The following ARHGAP27 variants were observed in gnomAD, a reference collection of about 807,000 sequenced individuals.
ARHGAP27 encodes rho GTPase-activating protein 27.
In ARHGAP27, 53 loss-of-function variants were observed where a neutral mutation model predicts 102.0. The ratio of observed to expected loss-of-function variants is 0.52; its 90% CI spans 0.42 to 0.65. ARHGAP27 has a LOEUF of 0.65. Among genes scored for constraint, ARHGAP27 ranks in the 30% least tolerant of loss-of-function variants. The pLI is 0.00. For synonymous variants in ARHGAP27, 525 were observed against 542.8 expected, an observed-to-expected ratio of 0.97 and a Z score of 0.46; for missense variants, 1,117 against 1,256.2, an observed-to-expected ratio of 0.89 and a Z score of 1.68.
intron 4 of ARHGAP27, among the ~76,000 whole-genome samples, chr17:45,416,432 C>T (rs11654226): frequency 0.79 from 119,255 of 151,774 alleles, 47,149 homozygotes; most frequent in African/African-American, 0.86. Flanking sequence ...AAAATAAACA[C>T]GGCAAATATT....
Position 45,399,591 on chromosome 17 carries a change from C to CAAAGAAAAGAAAAGA in ARHGAP27, c.1744-1559_1744-1545dup, listed in dbSNP as rs60195760. 4.6e-3 allele frequency among the ~76,000 whole-genome samples: 643 copies of CAAAGAAAAGAAAAGA among 141,240 alleles called. 14 individuals are homozygous for CAAAGAAAAGAAAAGA. Among genetic ancestry groups the CAAAGAAAAGAAAAGA allele is most frequent in the African/African-American group, 8.3e-3 (298 of 36,062 alleles). 92.7% of individuals were successfully genotyped at this position (141,240 alleles called of 152,430 possible). A position where few individuals can be genotyped will look rare whatever the true frequency, so the allele number is the denominator to read the frequency against. On this transcript the variant is annotated intron_variant, in intron 12 of 19. Transcript: ENST00000685559. ...AGGGCAACAGAGCAACACTCTGTCT[C>CAAAGAAAAGAAAAGA]AAAGAAAAGAAAAGAAAAGAAAAGA... is the stretch of plus-strand genomic sequence containing the variant.
intron 4 of ARHGAP27, among the ~76,000 whole-genome samples, chr17:45,422,533 G>A (rs943311519): frequency 4.6e-5 from 7 of 152,122 alleles, no homozygotes; most frequent in African/African-American, 1.7e-4. Flanking sequence ...GTAAAATAAG[G>A]AGTGGTCATA....
chr17:45,424,382 C>T (rs1441417463), intron 4 of ARHGAP27, among the ~76,000 whole-genome samples: 1 of 152,240 alleles, frequency 6.6e-6, no homozygotes, highest in African/African-American at 2.4e-5. Context: ...CCTCTCACTC[C>T]CCGGCACAGA....
At position 45,396,566 on chromosome 17, in the gene ARHGAP27, C is replaced by T. The variant is rs1331889610; in HGVS notation, c.2094G>A (p.Ala698=). 4 of 1,603,222 alleles carry T rather than the reference C, an allele frequency of 2.5e-6. No homozygotes were observed. Among genetic ancestry groups the T allele is most frequent in the East Asian group, 2.2e-5 (1 of 44,746 alleles). ...GYIKDQVFGC[A]LAALCERERS... Reference sequence around the variant, plus strand: ...TCTCGCGCTCACACAGCGCGGCCAGCGCGCAGCCGAACACCTGGTCTAGGG... The same window carrying T: ...TCTCGCGCTCACACAGCGCGGCCAGTGCGCAGCCGAACACCTGGTCTAGGG... Residue 698 remains alanine, a synonymous_variant, in exon 16 of 20, where the codon GCG becomes GCA. Transcript: ENST00000685559.
Position 45,430,098 on chromosome 17 carries a change from G to A in ARHGAP27, c.182C>T (p.Ala61Val). The change falls in exon 4 of 20, where the codon GCG becomes GTG. Residue 61 changes from alanine to valine, a missense_variant. Physicochemically the swap from Ala to Val is moderately conservative, Grantham distance 64 (BLOSUM62 0). Transcript: ENST00000685559. This position sits in a 1 kb window ranked among gnomAD's most constrained non-coding sequence, Gnocchi z 4.4. ...CGCGGGCAGCTCGCGCACGTACTGC[G>A]CAGGCAGGTAGAAGGGGCGGCCGCC... ...EPGGRPFYLPAQYVRELPALG... is the reference protein window; with the variant it reads ...EPGGRPFYLPVQYVRELPALG... The A allele has an allele frequency of 1.3e-6, 2 of 1,509,654 alleles. No individual in the cohort carries two copies. Among genetic ancestry groups the A allele is most frequent in the Non-Finnish European group, 1.8e-6 (2 of 1,136,462 alleles). The allele number at this position is 1,509,654 out of a possible 1,614,324, so 93.5% of individuals were successfully genotyped here.
At chr17:45,410,086 G>T in intron 4 of ARHGAP27, 2 of 1,058,500 alleles carry the variant, frequency 1.9e-6, no homozygotes, top group Non-Finnish European at 2.6e-6. Flanking sequence ...CTCTTGGATG[G>T]GCAGGGCCTC....
intron 9 of ARHGAP27, 58 bp from the exon 10 acceptor site, chr17:45,404,154 G>A: frequency 6.2e-7 from 1 of 1,609,264 alleles, no homozygotes; most frequent in Non-Finnish European, 8.5e-7. Flanking sequence ...TGAGCTATGG[G>A]GAGTAGAGGC....
intron 12 of ARHGAP27, among the ~76,000 whole-genome samples, chr17:45,400,594 A>C (rs1403748904): frequency 6.6e-6 from 1 of 152,216 alleles, no homozygotes; most frequent in East Asian, 1.9e-4. Flanking sequence ...TATCCCTCAA[A>C]GTCAGGGGAG....
At chr17:45,397,790 C>T (rs948774545) in intron 13 of ARHGAP27, 159 bp downstream of exon 13, 3 of 531,726 alleles carry the variant, frequency 5.6e-6, no homozygotes, top group South Asian at 4.5e-5. Context: ...TTACAGAAGG[C>T]AGTTTCTTCA....
chr17:45,429,739 A>G lies in ARHGAP27; in HGVS notation c.541T>C (p.Cys181Arg). Reference sequence around the variant, plus strand: ...CACACCCAGGAGCCCGCCACGCTGCAGGCCTTGAAGCTGCCGCTGCTTCCT... The same window carrying G: ...CACACCCAGGAGCCCGCCACGCTGCGGGCCTTGAAGCTGCCGCTGCTTCCT... The part of the protein sequence containing the change: ...LLGSSGSFKA[C>R]SVAGSWVCPR... The change falls in exon 4 of 20, where the codon TGC (cysteine) becomes CGC (arginine). Residue 181 changes from cysteine (C) to arginine (R), a missense_variant. Around this residue, in one of 3 missense-constraint regions of ARHGAP27, gnomAD observed 610 missense variants for 716.4 expected, o/e 0.85. Coordinates refer to ENST00000685559, the MANE Select transcript of ARHGAP27 (RefSeq NM_001282290.2). 1.3e-6 allele frequency: 2 copies of G among 1,540,012 alleles called. No homozygotes were observed. Among genetic ancestry groups the G allele is most frequent in the South Asian group, 2.4e-5 (2 of 83,778 alleles).
rs372380868 is a variant in ARHGAP27, at chr17:45,405,029, G to A, written c.1143C>T (p.Phe381=). The change falls in exon 6 of 20, where the codon TTC becomes TTT. Residue 381 remains phenylalanine (F), a synonymous_variant. Coordinates refer to ENST00000685559, the MANE Select transcript of ARHGAP27 (RefSeq NM_001282290.2). ...PEEDYSPVGS[F]GEPGPTSPLT... ...AGGGAGAGGTAGGGCCGGGCTCACC[G>A]AAAGAGCCCACGGGAGAATAGTCCT... 9.9e-6 allele frequency: 16 copies of A among 1,613,632 alleles called. No homozygotes were observed. The Admixed American group carries it at 2.3e-4, about 24-fold the overall frequency.
At chr17:45,413,995 A>G (rs1190894416) in intron 4 of ARHGAP27, among the ~76,000 whole-genome samples, 1 of 152,010 alleles carries the variant, frequency 6.6e-6, no homozygotes, top group Non-Finnish European at 1.5e-5. Flanking sequence ...AATTCCAGCT[A>G]CTCGGGAGGC....
At chr17:45,406,689 T>C (rs903691401) in intron 4 of ARHGAP27, among the ~76,000 whole-genome samples, 1 of 152,088 alleles carries the variant, frequency 6.6e-6, no homozygotes, top group Non-Finnish European at 1.5e-5. Flanking sequence ...GGTCTAGCTC[T>C]GTCACCCAGG....
intron 4 of ARHGAP27, among the ~76,000 whole-genome samples, chr17:45,425,121 A>AGGGGCTCCT (rs1236334663): frequency 6.6e-6 from 1 of 151,338 alleles, no homozygotes; most frequent in African/African-American, 2.4e-5. Context: ...AGGCAGGCAG[A>AGGGGCTCCT]GGGGCTCCTG....
At chr17:45,419,617 C>T (rs2048844029) in intron 4 of ARHGAP27, among the ~76,000 whole-genome samples, 1 of 145,950 alleles carries the variant, frequency 6.9e-6, no homozygotes, top group African/African-American at 2.6e-5. Flanking sequence ...ATACATTGGA[C>T]TACATAAGTA....
At chr17:45,414,601 A>G (rs1020648112) in intron 4 of ARHGAP27, among the ~76,000 whole-genome samples, 1 of 130,782 alleles carries the variant, frequency 7.6e-6, no homozygotes, top group Non-Finnish European at 1.6e-5. Context: ...CCACACCACC[A>G]CGCCCGGCTA....
Position 45,397,952 on chromosome 17 carries a change from C to G in ARHGAP27, c.1839G>C (p.Glu613Asp), listed in dbSNP as rs779879418. Residue 613 changes from glutamate to aspartate, a missense_variant, in exon 13 of 20, where the codon GAG becomes GAC. Glu to Asp is a conservative substitution (Grantham distance 45, BLOSUM62 2). Coordinates refer to ENST00000685559, the MANE Select transcript of ARHGAP27 (RefSeq NM_001282290.2). ...AGAGGCCCTGGGCTCTGCTTACCAGCTCCTGGATGCCCTGAGCAATGGCCT... is the reference window on the plus strand; with the variant it reads ...AGAGGCCCTGGGCTCTGCTTACCAGGTCCTGGATGCCCTGAGCAATGGCCT... The part of the protein sequence containing the change: ...WHKAIAQGIQ[E>D]LSAELPPEES... 3 of 1,605,762 alleles carry G rather than the reference C, an allele frequency of 1.9e-6. No individual in the cohort carries two copies. The highest frequency in any genetic ancestry group is 2.6e-6 in the Non-Finnish European group (3 of 1,173,834).
At position 45,404,035 on chromosome 17, in the gene ARHGAP27, C is replaced by T. The variant is rs151192753; in HGVS notation, c.1541G>A (p.Arg514Gln). Reference sequence around the variant, plus strand: ...AGTGTAGATGGGCTCTCACCGGAGCCGCTTTCCCTTGTCTGCCGTCTTGGT... The same window carrying T: ...AGTGTAGATGGGCTCTCACCGGAGCTGCTTTCCCTTGTCTGCCGTCTTGGT... ...HRTKTADKGK[R>Q]LRKKHWSASW... is the part of the protein sequence containing the mutation. The change falls in exon 10 of 20, where the codon CGG (arginine) becomes CAG (glutamine). Residue 514 changes from arginine (R) to glutamine (Q), a missense_variant. Around this residue, in one of 3 missense-constraint regions of ARHGAP27, gnomAD observed 14 missense variants for 34.4 expected, o/e 0.41. Coordinates refer to ENST00000685559, the MANE Select transcript of ARHGAP27 (RefSeq NM_001282290.2). 3.8e-5 allele frequency: 61 copies of T among 1,613,716 alleles called. No homozygotes were observed. The highest frequency in any genetic ancestry group is 1.6e-4 in the Middle Eastern group (1 of 6,076).
rs2049863350 is a variant in ARHGAP27, at chr17:45,429,235, T to C, written c.657+388A>G. 6.3e-5 allele frequency: 30 copies of C among 478,240 alleles called. No individual in the cohort carries two copies. The South Asian group carries it at 1.0e-3, about 16-fold the overall frequency. 29.6% of individuals were successfully genotyped at this position (478,240 alleles called of 1,614,324 possible). ...TGGGGCACACACCTGCAGTAGGTTA[T>C]ATAACCTCCCAGCAGGGCTTGGGGC... On this transcript the variant is annotated intron_variant, in intron 4 of 19. Transcript: ENST00000685559.
Sources: allele counts gnomAD v4.1 joint callset (sites outside exome capture counted in the v4.1 genomes callset), GRCh38; gene constraint gnomAD v4.1.1; regional missense constraint gnomAD v4.1.1; non-coding constraint Gnocchi (gnomAD v3.1); transcripts MANE v1.5; gene names NCBI Gene and HGNC (gene_info 2026-07-23, HGNC 2026-07-21).